Variants in RIPOR2 observed in about 807,000 individuals in gnomAD.
RIPOR2 encodes the protein RHO family interacting cell polarization regulator 2.
In RIPOR2, 39 loss-of-function variants were observed where a neutral mutation model predicts 114.5. The observed-to-expected ratio is 0.34, with a 90% CI of 0.26 to 0.44. The LOEUF (loss-of-function observed/expected upper bound fraction) is 0.44, where lower values mean the gene tolerates loss of function less well. Ranked by LOEUF, RIPOR2 falls within the 20% of genes least tolerant of loss-of-function variation. The pLI is 1.00. For missense variants in RIPOR2, 1,007 were observed against 1,255.1 expected (o/e 0.80, Z 2.99); for synonymous variants, 445 against 484.4 (o/e 0.92, Z 1.07).
At chr6:24,945,901 T>G (rs1772379928) in intron 1 of RIPOR2, among the ~76,000 whole-genome samples, 1 of 151,928 alleles carries the variant, frequency 6.6e-6, no homozygotes, top group Admixed American at 6.5e-5. Flanking sequence ...TACACCTATA[T>G]AAATAAAATA....
intron 1 of RIPOR2, chr6:24,910,738 G>T: frequency 2.4e-6 from 2 of 838,830 alleles, no homozygotes; most frequent in Non-Finnish European, 2.9e-6. Flanking sequence ...TCAAGTCGAG[G>T]ACACCCCTCC....
intron 1 of RIPOR2, among the ~76,000 whole-genome samples, chr6:24,941,220 G>A (rs35398163): frequency 0.073 from 11,082 of 152,104 alleles, 457 homozygotes; most frequent in East Asian, 0.13. Flanking sequence ...GTAATTGCCC[G>A]CTGAGGGAAT....
chr6:25,022,670 C>T (rs1393465642), intron 1 of RIPOR2, among the ~76,000 whole-genome samples: 1 of 149,280 alleles, frequency 6.7e-6, no homozygotes, highest in African/African-American at 2.5e-5. Context: ...CCTCAGCCTC[C>T]TGAGTAGCTA....
intron 1 of RIPOR2, among the ~76,000 whole-genome samples, chr6:24,908,211 T>C (rs1428763232): frequency 6.6e-6 from 1 of 152,166 alleles, no homozygotes; most frequent in Admixed American, 6.5e-5. Flanking sequence ...GGGCACCCAT[T>C]GTGTAAATAA....
At chr6:25,029,431 A>AAAAG (rs1554133317) in intron 1 of RIPOR2, among the ~76,000 whole-genome samples, 2 of 151,174 alleles carry the variant, frequency 1.3e-5, no homozygotes, top group Non-Finnish European at 2.9e-5. Flanking sequence ...AAAAAAAAAA[A>AAAAG]AAGAAGAAGA....
chr6:24,939,974 T>C (rs1003546859), upstream of RIPOR2, among the ~76,000 whole-genome samples: 1 of 152,206 alleles, frequency 6.6e-6, no homozygotes, highest in African/African-American at 2.4e-5. Context: ...TACAATGATA[T>C]GAAAGGTCTG....
chr6:24,994,523 C>T (rs1208917441), intron 1 of RIPOR2, among the ~76,000 whole-genome samples: 1 of 152,162 alleles, frequency 6.6e-6, no homozygotes, highest in Non-Finnish European at 1.5e-5. Flanking sequence ...CTCTGATCAC[C>T]ATTGCTGCTC....
intron 10 of RIPOR2, 108 bp from the exon 11 acceptor site, chr6:24,850,058 C>A: frequency 5.3e-5 from 40 of 752,324 alleles, no homozygotes; most frequent in Non-Finnish European, 8.0e-5. Flanking sequence ...CTTTCAGAAT[C>A]ATATCTGAAA....
chr6:24,890,598 A>G (rs953939485), intron 1 of RIPOR2, among the ~76,000 whole-genome samples: 2 of 152,076 alleles, frequency 1.3e-5, no homozygotes, highest in Admixed American at 6.6e-5. Flanking sequence ...CTTCACCACT[A>G]TGCAAACTAT....
At chr6:24,978,753 A>T (rs756463857) in intron 1 of RIPOR2, among the ~76,000 whole-genome samples, 2 of 152,226 alleles carry the variant, frequency 1.3e-5, no homozygotes, top group African/African-American at 4.8e-5. Flanking sequence ...TAGTGTCCTC[A>T]TTCATAAAAT....
intron 1 of RIPOR2, among the ~76,000 whole-genome samples, chr6:24,998,045 A>G (rs1744111702): frequency 6.6e-6 from 1 of 152,170 alleles, no homozygotes; most frequent in Admixed American, 6.5e-5. Context: ...CTTGAAATTG[A>G]ATAGGCGGTG....
intron 1 of RIPOR2, among the ~76,000 whole-genome samples, chr6:24,984,225 C>T (rs1276672202): frequency 1.3e-5 from 2 of 152,208 alleles, no homozygotes; most frequent in African/African-American, 4.8e-5. Flanking sequence ...TTTGTGTGAG[C>T]AACAAGGCTG....
At chr6:24,844,767 G>A (rs115567012) in intron 12 of RIPOR2, among the ~76,000 whole-genome samples, 3 of 152,174 alleles carry the variant, frequency 2.0e-5, no homozygotes, top group Non-Finnish European at 2.9e-5. Context: ...GTGAGCCACC[G>A]CGCCTGGCCC....
At position 24,948,050 on chromosome 6, in the gene RIPOR2, C is replaced by G. The variant is rs374024521; in HGVS notation, c.77-72233G>C. On this transcript the variant is annotated intron_variant, in intron 1 of 13. Coordinates refer to the RIPOR2 transcript ENST00000510784. ...TAGATGCCTAAAAAATCGAGACTGT[C>G]TCAACTATTTTACCTGCCATTATCT... 20 of 152,232 alleles carry G rather than the reference C, an allele frequency of 1.3e-4. No homozygotes were observed. The East Asian group carries it at 3.7e-3, about 28-fold the overall frequency. 9.4% of individuals were successfully genotyped at this position (152,232 alleles called of 1,614,324 possible).
intron 1 of RIPOR2, among the ~76,000 whole-genome samples, chr6:24,943,156 C>A (rs1225234907): frequency 6.6e-6 from 1 of 152,184 alleles, no homozygotes; most frequent in African/African-American, 2.4e-5. Flanking sequence ...GAATACTATG[C>A]AGCCATAGAA....
At chr6:24,944,309 G>T (rs1250535858) in intron 1 of RIPOR2, among the ~76,000 whole-genome samples, 1 of 152,264 alleles carries the variant, frequency 6.6e-6, no homozygotes, top group South Asian at 2.1e-4. Flanking sequence ...CCTTGGCAAA[G>T]ACTGCAAGAT....
intron 8 of RIPOR2, among the ~76,000 whole-genome samples, chr6:24,857,191 C>T (rs1291191640): frequency 6.6e-6 from 1 of 152,176 alleles, no homozygotes; most frequent in African/African-American, 2.4e-5. Context: ...ATGACAGTTA[C>T]AGTCTGTCTT....
intron 1 of RIPOR2, among the ~76,000 whole-genome samples, chr6:24,893,814 G>C (rs1767591591): frequency 1.3e-5 from 2 of 152,212 alleles, no homozygotes; most frequent in South Asian, 4.1e-4. Context: ...CTGGTTTATA[G>C]GGAGAAGCTT....
At chr6:24,838,663 G>A (rs932924128) in intron 14 of RIPOR2, among the ~76,000 whole-genome samples, 3 of 152,034 alleles carry the variant, frequency 2.0e-5, no homozygotes, top group Non-Finnish European at 4.4e-5. Flanking sequence ...GTGTGGTGGC[G>A]GGTGCCTGTA....
Sources: allele counts gnomAD v4.1 joint callset (sites outside exome capture counted in the v4.1 genomes callset), GRCh38; gene constraint gnomAD v4.1.1; transcripts MANE v1.5; gene names NCBI Gene and HGNC (gene_info 2026-07-23, HGNC 2026-07-21).